Variants in CEP85L observed in about 807,000 individuals in gnomAD.
CEP85L encodes centrosomal protein of 85 kDa-like.
A neutral mutation model predicts 100.3 loss-of-function variants in CEP85L; 60 were observed. That is an observed-to-expected ratio of 0.60 (90% CI 0.49 to 0.74). The LOEUF is 0.74. Ranked by LOEUF, CEP85L falls within the 30% of genes least tolerant of loss-of-function variation. The pLI, the probability that CEP85L is intolerant of heterozygous loss-of-function variation, is 0.00. For synonymous variants in CEP85L, 319 were observed against 322.7 expected (o/e 0.99, Z 0.12); for missense variants, 973 against 936.2 (o/e 1.04, Z -0.51).
At chr6:118,621,506 T>G (rs183669083) in intron 2 of CEP85L, among the ~76,000 whole-genome samples, 2 of 152,312 alleles carry the variant, frequency 1.3e-5, no homozygotes, top group East Asian at 3.9e-4. Context: ...GGTCAGGCAC[T>G]GGCCCAAGAC....
intron 2 of CEP85L, among the ~76,000 whole-genome samples, chr6:118,629,956 T>C (rs1774036552): frequency 6.6e-6 from 1 of 152,188 alleles, no homozygotes; most frequent in Non-Finnish European, 1.5e-5. Flanking sequence ...CCCCTCCTGT[T>C]TTTATAGTTT....
chr6:118,695,586 T>A (rs1438604334), intron 1 of CEP85L, among the ~76,000 whole-genome samples: 1 of 152,238 alleles, frequency 6.6e-6, no homozygotes, highest in Non-Finnish European at 1.5e-5. Flanking sequence ...ATGTTGCTGG[T>A]CTTGGGATCA....
intron 2 of CEP85L, among the ~76,000 whole-genome samples, chr6:118,604,105 G>C (rs1158315736): frequency 6.6e-6 from 1 of 152,148 alleles, no homozygotes; most frequent in Admixed American, 6.5e-5. Flanking sequence ...AATGCTTCCT[G>C]TATGACTTTT....
At chr6:118,643,973 G>A (rs1052288260) in intron 1 of CEP85L, among the ~76,000 whole-genome samples, 5 of 152,130 alleles carry the variant, frequency 3.3e-5, no homozygotes, top group Admixed American at 1.3e-4. Context: ...AAACTGAAAC[G>A]TCAGGCAAAC....
At chr6:118,563,488 G>A in intron 3 of CEP85L, among the ~76,000 whole-genome samples, 1 of 152,132 alleles carries the variant, frequency 6.6e-6, no homozygotes, top group East Asian at 1.9e-4. Context: ...TAAAAATATT[G>A]TTTTTTCATG....
chr6:118,642,390 A>G (rs1367096166), intron 1 of CEP85L, among the ~76,000 whole-genome samples: 1 of 152,234 alleles, frequency 6.6e-6, no homozygotes, highest in Non-Finnish European at 1.5e-5. Context: ...AGATCTGCTC[A>G]GACATGAAAA....
chr6:118,606,434 A>AG (rs1772228447), intron 2 of CEP85L, among the ~76,000 whole-genome samples: 1 of 152,260 alleles, frequency 6.6e-6, no homozygotes, highest in East Asian at 1.9e-4. Flanking sequence ...AATGTCAGCT[A>AG]CTGAGCTACA....
chr6:118,615,656 T>C (rs1421870622), intron 2 of CEP85L, among the ~76,000 whole-genome samples: 2 of 152,194 alleles, frequency 1.3e-5, no homozygotes, highest in African/African-American at 2.4e-5. Flanking sequence ...ATGCTAATAA[T>C]GTGATTAATG....
chr6:118,556,312 A>G (rs1171674532), intron 3 of CEP85L, among the ~76,000 whole-genome samples: 2 of 152,242 alleles, frequency 1.3e-5, no homozygotes, highest in African/African-American at 2.4e-5. Context: ...CAGGTAGTTA[A>G]TAACTCTTTA....
rs34344065 is a variant in CEP85L at position 118,699,454 on chromosome 6, C to CAAA, written c.-28+10579_-28+10581dup. ...TGGATGACAGAGCAAGACCTTGTCT[C>CAAA]AAAAAAAAAAAAAAGACCCTACCAG... On this transcript the variant is annotated intron_variant, in intron 1 of 13. Coordinates refer to the CEP85L transcript ENST00000368488. 8.9e-3 allele frequency among the ~76,000 whole-genome samples: 1,228 copies of CAAA among 138,626 alleles called. 16 individuals carry two copies. The highest frequency in any genetic ancestry group is 0.051 in the Middle Eastern group (14 of 272). The allele number at this position is 138,626 out of a possible 152,430, so 90.9% of individuals were successfully genotyped here.
At chr6:118,655,176 T>C (rs1342749533), upstream of CEP85L, among the ~76,000 whole-genome samples, 1 of 152,214 alleles carries the variant, frequency 6.6e-6, no homozygotes, top group African/African-American at 2.4e-5. Flanking sequence ...CTAGGTGGTA[T>C]GGCGAGGCCA....
At chr6:118,605,024 C>T (rs1456555665) in intron 2 of CEP85L, among the ~76,000 whole-genome samples, 2 of 152,150 alleles carry the variant, frequency 1.3e-5, no homozygotes, top group African/African-American at 4.8e-5. Flanking sequence ...CATATTAATA[C>T]ATAGAAGATT....
At chr6:118,558,971 C>T in intron 3 of CEP85L, 1 of 1,612,814 alleles carries the variant, frequency 6.2e-7, no homozygotes, top group Non-Finnish European at 8.5e-7. Flanking sequence ...AGAGCCTCAA[C>T]CATTGAAATG....
At chr6:118,613,135 C>T (rs747011282) in intron 2 of CEP85L, among the ~76,000 whole-genome samples, 27 of 152,104 alleles carry the variant, frequency 1.8e-4, no homozygotes, top group African/African-American at 3.1e-4. Flanking sequence ...TCGCTTAACC[C>T]GGCGGGCAGA....
chr6:118,636,938 C>A (rs1008337378), intron 1 of CEP85L, among the ~76,000 whole-genome samples: 4 of 152,208 alleles, frequency 2.6e-5, no homozygotes, highest in Admixed American at 2.6e-4. Context: ...GGCTCTGTTT[C>A]TCTGGAGAAC....
chr6:118,699,764 G>A (rs542239338), intron 1 of CEP85L, among the ~76,000 whole-genome samples: 2 of 152,086 alleles, frequency 1.3e-5, no homozygotes, highest in Admixed American at 6.6e-5. Flanking sequence ...GCATGATCTC[G>A]GCCCAGTGCA....
At chr6:118,632,774 T>C (rs1583199785) in intron 1 of CEP85L, among the ~76,000 whole-genome samples, 163 bp from the exon 2 acceptor site, 2 of 152,234 alleles carry the variant, frequency 1.3e-5, no homozygotes, top group African/African-American at 4.8e-5. Flanking sequence ...TAAATGTATA[T>C]ATCACACATA....
At chr6:118,546,346 A>T (rs1778200962) in intron 3 of CEP85L, among the ~76,000 whole-genome samples, 1 of 152,126 alleles carries the variant, frequency 6.6e-6, no homozygotes. Context: ...ACTTATAAAC[A>T]TGTGGTAACT....
intron 1 of CEP85L, among the ~76,000 whole-genome samples, chr6:118,643,243 C>A (rs1235843922): frequency 6.6e-6 from 1 of 152,104 alleles, no homozygotes; most frequent in Non-Finnish European, 1.5e-5. Flanking sequence ...GTACATTATT[C>A]CTAAAATGAG....
Sources: allele counts gnomAD v4.1 joint callset (sites outside exome capture counted in the v4.1 genomes callset), GRCh38; gene constraint gnomAD v4.1.1; transcripts MANE v1.5; gene names NCBI Gene and HGNC (gene_info 2026-07-23, HGNC 2026-07-21).